Variants in DNAH5 observed in about 807,000 individuals in gnomAD.
The protein encoded by DNAH5 is dynein axonemal heavy chain 5.
A neutral mutation model predicts 518.2 loss-of-function variants in DNAH5; 372 were observed. That is an observed-to-expected ratio of 0.72 (90% confidence interval 0.66 to 0.78). DNAH5 has a LOEUF of 0.78. Among genes scored for constraint, DNAH5 ranks in the 30% least tolerant of loss-of-function variants. The pLI, the probability that DNAH5 is intolerant of heterozygous loss-of-function variation, is 0.00. For synonymous variants in DNAH5, 2,039 were observed against 2,025.9 expected (o/e 1.01, Z -0.17); for missense variants, 5,523 against 5,687.0 (o/e 0.97, Z 0.93).
chr5:13,813,411 T>C (rs1391241246), intron 43 of DNAH5, among the ~76,000 whole-genome samples: 2 of 151,500 alleles, frequency 1.3e-5, no homozygotes, highest in Non-Finnish European at 2.9e-5. Context: ...GTACCTGTGG[T>C]TTCCAAGCCT....
intron 1 of DNAH5, among the ~76,000 whole-genome samples, chr5:13,962,347 GT>G (rs1385603323): frequency 6.6e-6 from 1 of 152,168 alleles, no homozygotes; most frequent in African/African-American, 2.4e-5. Context: ...TGAAAATCAT[GT>G]TTTGATACCT....
At chr5:13,708,414 A>G in intron 75 of DNAH5, 79 bp from the exon 76 acceptor site, 4 of 1,299,354 alleles carry the variant, frequency 3.1e-6, no homozygotes, top group Non-Finnish European at 4.5e-6. Context: ...GGGGCCTCTG[A>G]ACAGGCCCAA....
At chr5:13,760,919 G>C (rs1751682917) in intron 60 of DNAH5, among the ~76,000 whole-genome samples, 1 of 152,222 alleles carries the variant, frequency 6.6e-6, no homozygotes, top group South Asian at 2.1e-4. Flanking sequence ...CCTACACAGT[G>C]AATGCGGGTC....
At chr5:13,701,555 A>T (rs1227771949) in intron 76 of DNAH5, 119 bp from the exon 77 acceptor site, 1 of 981,158 alleles carries the variant, frequency 1.0e-6, no homozygotes, top group Non-Finnish European at 1.5e-6. Context: ...TAATGAAAAA[A>T]GTCCCTAAGT....
intron 63 of DNAH5, 29 bp from the exon 64 acceptor site, chr5:13,752,318 G>A: frequency 1.2e-6 from 2 of 1,613,280 alleles, no homozygotes; most frequent in South Asian, 1.1e-5. Flanking sequence ...GGTTGCTATT[G>A]GCAGACATTA....
At chr5:13,737,214 A>G in intron 66 of DNAH5, 38 bp downstream of exon 66, 4 of 1,613,092 alleles carry the variant, frequency 2.5e-6, no homozygotes, top group Non-Finnish European at 3.4e-6. Flanking sequence ...CTCTCATTTC[A>G]TTTTCCTGTG....
intron 5 of DNAH5, 29 bp from the exon 6 acceptor site, chr5:13,920,646 A>G: frequency 6.2e-7 from 1 of 1,613,284 alleles, no homozygotes; most frequent in Non-Finnish European, 8.5e-7. Context: ...AAATAATCAG[A>G]TGATGCTTTT....
intron 65 of DNAH5, among the ~76,000 whole-genome samples, chr5:13,741,416 C>T (rs565703050): frequency 6.6e-6 from 1 of 152,272 alleles, no homozygotes; most frequent in East Asian, 1.9e-4. Context: ...TCAAGCAAAA[C>T]TTGCTCTTAT....
chr5:13,724,091 AG>A lies in DNAH5; in HGVS notation c.12034-2847del, dbSNP rs1745408189. On this transcript the variant is annotated intron_variant, in intron 70 of 78. Transcript: ENST00000265104. Reference sequence around the variant, plus strand: ...AACCAGATATGCATGCATTAGAAAGAGTACATTTCTTCATCTTCTTTTCTCC... The same window carrying A: ...AACCAGATATGCATGCATTAGAAAGATACATTTCTTCATCTTCTTTTCTCC... 2.0e-5 allele frequency among the ~76,000 whole-genome samples: 3 copies of A among 152,364 alleles called. No homozygotes were observed. In the South Asian group the frequency reaches 6.2e-4, roughly 32 times the overall value.
At chr5:13,719,398 T>G (rs1418780920) in intron 71 of DNAH5, among the ~76,000 whole-genome samples, 1 of 152,184 alleles carries the variant, frequency 6.6e-6, no homozygotes, top group Non-Finnish European at 1.5e-5. Flanking sequence ...GATGGCTGAT[T>G]GAAAACATCC....
Position 13,727,664 on chromosome 5 carries a change from T to C in DNAH5, c.11884-8A>G. The C allele has an allele frequency of 6.2e-7, 1 of 1,613,664 alleles. No individual in the cohort carries two copies. The highest frequency in any genetic ancestry group is 8.5e-7 in the Non-Finnish European group (1 of 1,179,666). On this transcript the variant is annotated splice_region_variant and splice_polypyrimidine_tract_variant and intron_variant, in intron 69 of 78. Transcript: ENST00000265104. ...TTTCTCATTTCTCGATATCTGAAAA[T>C]ACCATGGGATAAAAACTGTGTCATG...
rs75270724 is a variant in DNAH5 at position 13,770,660 on chromosome 5, G to A, written c.9605+89C>T. ...CAGCTATGATACACAAAATGTCTCC[G>A]GTCATTGCAAAATAGCCACCAGGGC... On this transcript the variant is annotated intron_variant, in intron 56 of 78. Transcript: ENST00000265104. 2,915 of 1,184,510 alleles carry A rather than the reference G, an allele frequency of 2.5e-3. 33 individuals are homozygous for A. In the African/African-American group the frequency reaches 0.036, roughly 15 times the overall value. 73.4% of individuals were successfully genotyped at this position (1,184,510 alleles called of 1,614,324 possible). A position where few individuals can be genotyped will look rare whatever the true frequency, so the allele number is the denominator to read the frequency against.
Position 13,753,252 on chromosome 5 carries a change from T to G in DNAH5, c.10853A>C (p.Glu3618Ala), listed in dbSNP as rs1337106591. The change falls in exon 63 of 79, where the codon GAA becomes GCA. Residue 3618 changes from glutamate to alanine, a missense_variant. Glu to Ala is a moderately radical substitution (Grantham distance 107, BLOSUM62 -1). Coordinates refer to ENST00000265104, the MANE Select transcript of DNAH5 (RefSeq NM_001369.3). ...AATTACCTGGAGTTCATTTCGGCTT[T>G]CTTTATTTTTAATCCAGATCTTGCC... ...TQGKIWIKNK[E>A]SRNELQITSL... is the part of the protein sequence containing the mutation. 3 of 1,613,882 alleles carry G rather than the reference T, an allele frequency of 1.9e-6. No individual in the cohort carries two copies. The highest frequency in any genetic ancestry group is 4.5e-5 in the East Asian group (2 of 44,838).
chr5:13,792,094 G>A lies in DNAH5; in HGVS notation c.8348C>T (p.Pro2783Leu). The change falls in exon 50 of 79, where the codon CCT (proline) becomes CTT (leucine). Residue 2783 changes from proline (P) to leucine (L), a missense_variant. Around this residue, in one of 3 missense-constraint regions of DNAH5, gnomAD observed 5,121 missense variants for 5,223.3 expected, o/e 0.98. Transcript: ENST00000265104. ...CACATAATGGAATTTTGCAGGGGTA[G>A]GAAGCATTTTAATCTTGGTCATCTG... The part of the protein sequence containing the change: ...LWQMTKIKML[P>L]TPAKFHYVFN... 6.2e-7 allele frequency: 1 copy of A among 1,614,006 alleles called. No homozygotes were observed. Among genetic ancestry groups the A allele is most frequent in the Non-Finnish European group, 8.5e-7 (1 of 1,179,970 alleles).
chr5:13,697,106 G>A (rs1741488738), intron 78 of DNAH5, among the ~76,000 whole-genome samples: 1 of 152,010 alleles, frequency 6.6e-6, no homozygotes, highest in Non-Finnish European at 1.5e-5. Flanking sequence ...ACTGGAAAAA[G>A]GTTTTTATTT....
At chr5:13,705,992 G>C in intron 76 of DNAH5, among the ~76,000 whole-genome samples, 1 of 152,190 alleles carries the variant, frequency 6.6e-6, no homozygotes, top group East Asian at 1.9e-4. Flanking sequence ...GCCACCTCCA[G>C]AATTGCAAGA....
rs751187327 is a variant in DNAH5 at position 13,776,721 on chromosome 5, C to T, written c.9106-15G>A. 2 of 1,613,180 alleles carry T rather than the reference C, an allele frequency of 1.2e-6. No homozygotes were observed. The highest frequency in any genetic ancestry group is 1.7e-4 in the Middle Eastern group (1 of 5,962). The stretch of plus-strand genomic sequence containing the variant: ...AGGTTAGAGACCTTAAAAAGAAGTA[C>T]AGGCATGCAAATTCAGTACACACAT... On this transcript the variant is annotated splice_polypyrimidine_tract_variant and intron_variant, in intron 54 of 78. Coordinates refer to ENST00000265104, the MANE Select transcript of DNAH5 (RefSeq NM_001369.3).
At chr5:13,890,362 G>A (rs888821824) in intron 17 of DNAH5, among the ~76,000 whole-genome samples, 5 of 148,702 alleles carry the variant, frequency 3.4e-5, no homozygotes, top group African/African-American at 5.0e-5. Flanking sequence ...AGCTGAGATC[G>A]CATCACTGCA....
Position 13,830,024 on chromosome 5 carries a change from A to G in DNAH5, c.6249+2T>C. The G allele has an allele frequency of 6.2e-7, 1 of 1,613,308 alleles. No homozygotes were observed. The highest frequency in any genetic ancestry group is 2.2e-5 in the East Asian group (1 of 44,858). On this transcript the variant is annotated splice_donor_variant, in intron 37 of 78. Transcript: ENST00000265104. LOFTEE classifies it high-confidence loss of function. ...TCAGTAGCTTTTCTAGCAGCTCCTTACCATGGTTAAGAAAAGCCCAAATTC... is the reference window on the plus strand; with the variant it reads ...TCAGTAGCTTTTCTAGCAGCTCCTTGCCATGGTTAAGAAAAGCCCAAATTC...
Sources: gnomAD v4.1 joint callset for allele counts (sites outside exome capture counted in the v4.1 genomes callset) on GRCh38, gnomAD v4.1.1 for gene constraint, gnomAD v4.1.1 regional missense constraint, MANE v1.5 for transcripts, NCBI Gene and HGNC (gene_info 2026-07-23, HGNC 2026-07-21) for gene names.